Variants in TMTC4 observed in about 807,000 individuals in gnomAD.
TMTC4 encodes the protein transmembrane O-mannosyltransferase targeting cadherins 4.
A neutral mutation model predicts 86.0 loss-of-function variants in TMTC4; 65 were observed. The observed-to-expected ratio is 0.76, with a 90% CI of 0.62 to 0.93. The LOEUF (loss-of-function observed/expected upper bound fraction) is 0.93. TMTC4 is among the 40% of genes least tolerant of loss of function. TMTC4 has a pLI of 0.00. For synonymous variants in TMTC4, 379 were observed against 382.5 expected, an observed-to-expected ratio of 0.99 and a Z score of 0.11; for missense variants, 866 against 948.1, an observed-to-expected ratio of 0.91 and a Z score of 1.14.
chr13:100,635,038 G>C lies in TMTC4; in HGVS notation c.1360C>G (p.His454Asp), dbSNP rs531704992. The C allele has an allele frequency of 1.2e-6, 2 of 1,611,638 alleles. No individual in the cohort carries two copies. The highest frequency in any genetic ancestry group is 2.2e-5 in the South Asian group (2 of 90,710). The change falls in exon 11 of 19, where the codon CAT (histidine) becomes GAT (aspartate). Residue 454 changes from histidine to aspartate, a missense_variant. His to Asp is a moderately conservative substitution (Grantham distance 81, BLOSUM62 -1). Coordinates refer to ENST00000342624, the MANE Select transcript of TMTC4 (RefSeq NM_032813.5). ...TCAGTTGATACCTTTTTCTTGGTAT[G>C]TTTGCTCAGGGCTCCGAATCCAAAA... ...LTFGFGALSK[H>D]TKKKKLIAAV...
rs74115007 is a variant in TMTC4, at chr13:100,649,152, C to T, written c.641-6841G>A. 9.2e-3 allele frequency among the ~76,000 whole-genome samples: 1,401 copies of T among 152,242 alleles called. 20 individuals carry two copies. The highest frequency in any genetic ancestry group is 0.031 in the African/African-American group (1,290 of 41,542). ...AGTATATATGTGCATGAATGATAAA[C>T]CAAGGCCAGCCCATACAGCGTTGAC... is the stretch of plus-strand genomic sequence containing the variant. On this transcript the variant is annotated intron_variant, in intron 6 of 18. Coordinates refer to ENST00000342624, the MANE Select transcript of TMTC4 (RefSeq NM_032813.5).
At chr13:100,673,206 C>CA (rs1887356318) in intron 1 of TMTC4, 2 of 554,500 alleles carry the variant, frequency 3.6e-6, no homozygotes, top group African/African-American at 4.1e-5. Flanking sequence ...AAAGACCCCA[C>CA]ACAGGGACCC....
At chr13:100,628,379 G>A (rs1880860410) in intron 12 of TMTC4, among the ~76,000 whole-genome samples, 2 of 151,638 alleles carry the variant, frequency 1.3e-5, no homozygotes, top group African/African-American at 4.8e-5. Context: ...ACCACATTCT[G>A]TTTGTCCATT....
chr13:100,618,743 C>T (rs1286086016), intron 15 of TMTC4, among the ~76,000 whole-genome samples: 2 of 152,096 alleles, frequency 1.3e-5, no homozygotes, highest in African/African-American at 2.4e-5. Context: ...CATCTTGCAC[C>T]GCCCTTAATC....
At chr13:100,639,265 A>T (rs1302566187) in intron 7 of TMTC4, among the ~76,000 whole-genome samples, 1 of 152,196 alleles carries the variant, frequency 6.6e-6, no homozygotes, top group Non-Finnish European at 1.5e-5. Context: ...AAATGCTGGG[A>T]GCCACTAATT....
intron 12 of TMTC4, among the ~76,000 whole-genome samples, chr13:100,632,549 C>A (rs774984403): frequency 1.3e-5 from 2 of 152,084 alleles, no homozygotes. Flanking sequence ...TTTTTGGTAG[C>A]ATAAAATAAA....
Position 100,625,653 on chromosome 13 carries a change from A to T in TMTC4, c.1718T>A (p.Met573Lys). The stretch of plus-strand genomic sequence containing the variant: ...GCTATTCTGCACTATGCCTAGATTC[A>T]TCCACGCAGCGGCAAAGTCTGGCCT... Reference protein sequence around the residue: ...QIQPDFAAAWMNLGIVQNSLK... With the variant: ...QIQPDFAAAWKNLGIVQNSLK... Residue 573 changes from methionine to lysine, a missense_variant, in exon 15 of 19, where the codon ATG becomes AAG. Transcript: ENST00000342624. 6.2e-7 allele frequency: 1 copy of T among 1,614,166 alleles called. No homozygotes were observed. Among genetic ancestry groups the T allele is most frequent in the Non-Finnish European group, 8.5e-7 (1 of 1,180,004 alleles).
chr13:100,628,713 T>C (rs144226509), intron 12 of TMTC4, among the ~76,000 whole-genome samples: 32 of 152,262 alleles, frequency 2.1e-4, no homozygotes, highest in Non-Finnish European at 4.7e-4. Flanking sequence ...TCAGGTCACC[T>C]TGGAACGAGG....
chr13:100,607,050 A>T (rs1876737262), intron 17 of TMTC4, among the ~76,000 whole-genome samples: 1 of 152,188 alleles, frequency 6.6e-6, no homozygotes, highest in South Asian at 2.1e-4. Flanking sequence ...GGCCCCTAAA[A>T]GGCAGGGCAA....
intron 15 of TMTC4, among the ~76,000 whole-genome samples, chr13:100,619,040 G>C (rs1409364992): frequency 6.6e-6 from 1 of 152,132 alleles, no homozygotes; most frequent in Non-Finnish European, 1.5e-5. Flanking sequence ...CCGGGCAGAG[G>C]GGCTCCTCAC....
intron 15 of TMTC4, 27 bp from the exon 16 acceptor site, chr13:100,614,457 A>G: frequency 4.0e-6 from 6 of 1,504,634 alleles, no homozygotes; most frequent in Non-Finnish European, 5.5e-6. Context: ...CCAAAAAATC[A>G]GTATTCCAAG....
At chr13:100,642,969 G>T (rs925518221) in intron 6 of TMTC4, among the ~76,000 whole-genome samples, 4 of 152,164 alleles carry the variant, frequency 2.6e-5, no homozygotes, top group Non-Finnish European at 5.9e-5. Context: ...CCAACAAGAA[G>T]CCAAAACATC....
At chr13:100,655,680 C>A (rs772141912) in intron 6 of TMTC4, among the ~76,000 whole-genome samples, 1 of 152,236 alleles carries the variant, frequency 6.6e-6, no homozygotes, top group Non-Finnish European at 1.5e-5. Context: ...CACCACTGTT[C>A]TCAATACTTG....
intron 7 of TMTC4, among the ~76,000 whole-genome samples, chr13:100,639,870 G>T (rs892473534): frequency 6.6e-6 from 1 of 152,166 alleles, no homozygotes; most frequent in Non-Finnish European, 1.5e-5. Context: ...AACCTGGGAG[G>T]TGGAGGTCGT....
chr13:100,659,546 A>G (rs2139012936), intron 5 of TMTC4, among the ~76,000 whole-genome samples: 1 of 152,160 alleles, frequency 6.6e-6, no homozygotes, highest in African/African-American at 2.4e-5. Flanking sequence ...CACACAAGCC[A>G]CTTCTGTCCT....
At chr13:100,615,009 G>A in intron 15 of TMTC4, 1 of 938,414 alleles carries the variant, frequency 1.1e-6, no homozygotes, top group Non-Finnish European at 1.3e-6. Flanking sequence ...GACATACTTT[G>A]TAACTCCTTG....
chr13:100,663,217 C>A, intron 4 of TMTC4, 37 bp from the exon 5 acceptor site: 2 of 1,591,442 alleles, frequency 1.3e-6, no homozygotes, highest in Non-Finnish European at 1.7e-6. Context: ...ACACGCGCAG[C>A]GGCATGCGGC....
rs554627852 is a variant in TMTC4, at chr13:100,644,314, A to G, written c.641-2003T>C. Among the ~76,000 whole-genome samples the G allele has an allele frequency of 2.1e-3, 316 of 152,072 alleles. 1 individual carries two copies. The highest frequency in any genetic ancestry group is 3.4e-3 in the Non-Finnish European group (228 of 67,956). ...GAGACGGGGTTTCACCGTGTTAGCC[A>G]GGATGGTCTCCATCTCCTGACCTCA... On this transcript the variant is annotated intron_variant, in intron 6 of 18. Transcript: ENST00000342624.
At chr13:100,665,956 C>G (rs1015136006) in intron 3 of TMTC4, 20 of 453,526 alleles carry the variant, frequency 4.4e-5, no homozygotes, top group Admixed American at 1.4e-4. Flanking sequence ...CAGTGACAAG[C>G]CTGGAAGCCT....
Sources: allele counts gnomAD v4.1 joint callset (sites outside exome capture counted in the v4.1 genomes callset), GRCh38; gene constraint gnomAD v4.1.1; transcripts MANE v1.5; gene names NCBI Gene and HGNC (gene_info 2026-07-23, HGNC 2026-07-21).